Variants in ADORA1 observed in about 807,000 individuals in gnomAD.
ADORA1 encodes adenosine A1 receptor.
Under a neutral mutation model 19.9 loss-of-function variants are expected in ADORA1, and 6 were observed. The ratio of observed to expected loss-of-function variants is 0.30; its 90% CI spans 0.17 to 0.59. The LOEUF is 0.59. ADORA1 is among the 20% of genes least tolerant of loss of function. The pLI is 0.87. For synonymous variants in ADORA1, 194 were observed against 188.4 expected, an observed-to-expected ratio of 1.03 and a Z score of -0.24; for missense variants, 302 against 439.2, an observed-to-expected ratio of 0.69 and a Z score of 2.79.
At chr1:203,155,137 G>A (rs143572190) in intron 3 of ADORA1, among the ~76,000 whole-genome samples, 2,521 of 151,968 alleles carry the variant, frequency 0.017, 62 homozygotes, top group East Asian at 0.1. Context: ...CACCTCCCAG[G>A]TTCAAGCGAT....
intron 3 of ADORA1, among the ~76,000 whole-genome samples, chr1:203,148,715 CTG>C (rs1654937659): frequency 6.6e-6 from 1 of 152,172 alleles, no homozygotes; most frequent in South Asian, 2.1e-4. Flanking sequence ...ATGTCCCAGA[CTG>C]TCAGTGTTTC....
chr1:203,142,705 T>C (rs1266435280), intron 3 of ADORA1, among the ~76,000 whole-genome samples: 1 of 151,786 alleles, frequency 6.6e-6, no homozygotes, highest in Non-Finnish European at 1.5e-5. Flanking sequence ...TGGGGAAGAG[T>C]GTTGACATGA....
At chr1:203,133,026 A>G (rs951507879) in intron 3 of ADORA1, among the ~76,000 whole-genome samples, 4 of 152,100 alleles carry the variant, frequency 2.6e-5, no homozygotes, top group Admixed American at 6.5e-5. Context: ...TATGCTAGGA[A>G]CAATGCTATG....
At chr1:203,139,286 T>C (rs1164091964) in intron 3 of ADORA1, among the ~76,000 whole-genome samples, 2 of 152,188 alleles carry the variant, frequency 1.3e-5, no homozygotes, top group Non-Finnish European at 2.9e-5. Context: ...TTAGACGGGA[T>C]CCTGGAGGCT....
At position 203,128,264 on chromosome 1, in the gene ADORA1, T is replaced by A; in HGVS notation, c.-212-14T>A. On this transcript the variant is annotated splice_polypyrimidine_tract_variant and intron_variant, in intron 1 of 3. Transcript: ENST00000337894. The surrounding 1 kb of genome is among the most constrained non-coding windows in gnomAD (Gnocchi z 5.9). ...GGGGCTGAGTCTCTGCCGTACCATG[T>A]GATTGCTTGAAAGGCCGGGCTGGGA... The A allele has an allele frequency of 8.2e-7, 1 of 1,220,036 alleles. No individual in the cohort carries two copies. Among genetic ancestry groups the A allele is most frequent in the South Asian group, 1.3e-5 (1 of 77,518 alleles). The allele number at this position is 1,220,036 out of a possible 1,614,324, so 75.6% of individuals were successfully genotyped here.
intron 3 of ADORA1, among the ~76,000 whole-genome samples, chr1:203,147,062 G>C (rs1042084951): frequency 5.3e-5 from 8 of 152,222 alleles, no homozygotes; most frequent in African/African-American, 1.9e-4. Context: ...TTCAGTCTCA[G>C]CTTAAACACT....
intron 3 of ADORA1, among the ~76,000 whole-genome samples, chr1:203,132,900 C>T (rs996822501): frequency 1.7e-4 from 26 of 152,120 alleles, no homozygotes; most frequent in African/African-American, 5.8e-4. Context: ...TTTGAGGTCT[C>T]TGAGGTACCT....
At chr1:203,151,352 A>G (rs1475386564) in intron 3 of ADORA1, among the ~76,000 whole-genome samples, 1 of 152,170 alleles carries the variant, frequency 6.6e-6, no homozygotes, top group East Asian at 1.9e-4. Context: ...AGACACTTTC[A>G]TCAGATAGAT....
chr1:203,146,012 G>T (rs1303558951), intron 3 of ADORA1, among the ~76,000 whole-genome samples: 1 of 152,192 alleles, frequency 6.6e-6, no homozygotes, highest in Admixed American at 6.5e-5. Context: ...CGGGGCATCT[G>T]CCTCTGAAAT....
chr1:203,142,749 T>TC (rs1360900351), intron 3 of ADORA1, among the ~76,000 whole-genome samples: 1 of 152,016 alleles, frequency 6.6e-6, no homozygotes, highest in Non-Finnish European at 1.5e-5. Flanking sequence ...TTCCTCCTGA[T>TC]CCCCCCGTCT....
At chr1:203,150,881 C>A in intron 3 of ADORA1, 3 of 1,157,226 alleles carry the variant, frequency 2.6e-6, no homozygotes, top group Non-Finnish European at 3.4e-6. Context: ...GGGGCCCTGA[C>A]AGCCCAAGCT....
chr1:203,128,342 C>A lies in ADORA1; in HGVS notation c.-148C>A. ...GAGCTGCCGCGCGTTGTCCAGAGCC[C>A]AGCCCAGCCCTACCGCGCGCGGCCC... On this transcript the variant is annotated 5_prime_UTR_variant, in exon 2 of 4. Coordinates refer to ENST00000337894, the MANE Select transcript of ADORA1 (RefSeq NM_000674.3). The surrounding 1 kb of genome is among the most constrained non-coding windows in gnomAD (Gnocchi z 5.9). The A allele has an allele frequency of 2.3e-6, 3 of 1,289,548 alleles. No homozygotes were observed. The highest frequency in any genetic ancestry group is 3.0e-6 in the Non-Finnish European group (3 of 988,906). 79.9% of individuals were successfully genotyped at this position (1,289,548 alleles called of 1,614,324 possible).
At chr1:203,149,680 C>T (rs891701915) in intron 3 of ADORA1, among the ~76,000 whole-genome samples, 1 of 152,136 alleles carries the variant, frequency 6.6e-6, no homozygotes, top group Non-Finnish European at 1.5e-5. Flanking sequence ...GAAGGCCCCT[C>T]AGCTGTGACT....
chr1:203,156,130 C>T (rs1338974114), intron 3 of ADORA1, among the ~76,000 whole-genome samples: 1 of 152,184 alleles, frequency 6.6e-6, no homozygotes, highest in African/African-American at 2.4e-5. Context: ...CAGTGGTTAA[C>T]ATGCCAAAGG....
rs772988666 is a variant in ADORA1 at position 203,128,212 on chromosome 1, AG to A, written c.-212-62del. The stretch of plus-strand genomic sequence containing the variant: ...GCCACCCCAGTCCCAGGTGCGAAAC[AG>A]GGGCGCTACCTCTTTAAAAGCGTCC... On this transcript the variant is annotated intron_variant, in intron 1 of 3. Transcript: ENST00000337894. This position sits in a 1 kb window ranked among gnomAD's most constrained non-coding sequence, Gnocchi z 5.9. 3 of 755,856 alleles carry A rather than the reference AG, an allele frequency of 4.0e-6. No individual in the cohort carries two copies. Among genetic ancestry groups the A allele is most frequent in the Non-Finnish European group, 5.5e-6 (3 of 542,526 alleles). 46.8% of individuals were successfully genotyped at this position (755,856 alleles called of 1,614,324 possible).
chr1:203,150,595 G>A, intron 3 of ADORA1: 1 of 1,282,500 alleles, frequency 7.8e-7, no homozygotes, highest in Non-Finnish European at 1.0e-6. Context: ...GGGGAGAAAG[G>A]CCAGGATCGG....
Position 203,127,805 on chromosome 1 carries a change from A to T in ADORA1, c.-336A>T, listed in dbSNP as rs201064632. The T allele has an allele frequency of 1.3e-5, 2 of 152,530 alleles. No individual in the cohort carries two copies. The highest frequency in any genetic ancestry group is 2.9e-5 in the Non-Finnish European group (2 of 68,340). 9.4% of individuals were successfully genotyped at this position (152,530 alleles called of 1,614,324 possible). A position where few individuals can be genotyped will look rare whatever the true frequency, so the allele number is the denominator to read the frequency against. ...GCCAGCTACCATCCCTCTGGAGCTT[A>T]CCGGCCGGCCTTGGCTTCCCCAGGA... On this transcript the variant is annotated 5_prime_UTR_variant, in exon 1 of 4. Coordinates refer to ENST00000337894, the MANE Select transcript of ADORA1 (RefSeq NM_000674.3).
chr1:203,140,740 A>G (rs1301959197), intron 3 of ADORA1, among the ~76,000 whole-genome samples: 1 of 152,196 alleles, frequency 6.6e-6, no homozygotes, highest in Non-Finnish European at 1.5e-5. Flanking sequence ...AGCAGTAGGA[A>G]CATGAGGCTT....
At chr1:203,148,477 G>A (rs935317232) in intron 3 of ADORA1, among the ~76,000 whole-genome samples, 1 of 152,168 alleles carries the variant, frequency 6.6e-6, no homozygotes, top group African/African-American at 2.4e-5. Flanking sequence ...GATGTGATTC[G>A]CTAACAGCAG....
Sources: gnomAD v4.1 joint callset for allele counts (sites outside exome capture counted in the v4.1 genomes callset) on GRCh38, gnomAD v4.1.1 for gene constraint, Gnocchi (gnomAD v3.1) non-coding constraint, MANE v1.5 for transcripts, NCBI Gene and HGNC (gene_info 2026-07-23, HGNC 2026-07-21) for gene names.